Variants in GPC5 observed in about 807,000 individuals in gnomAD.
GPC5 encodes the protein glypican 5, also known as glypican-5.
Under a neutral mutation model 53.9 loss-of-function variants are expected in GPC5, and 47 were observed. The ratio of observed to expected loss-of-function variants is 0.87; its 90% CI spans 0.69 to 1.11. GPC5 has a LOEUF of 1.11. Among genes scored for constraint, GPC5 ranks in the 50% most tolerant of loss-of-function variants. The pLI, the probability that GPC5 is intolerant of heterozygous loss-of-function variation, is 0.00. For missense variants in GPC5, 748 were observed against 713.1 expected, an observed-to-expected ratio of 1.05 and a Z score of -0.56; for synonymous variants, 286 against 263.3, an observed-to-expected ratio of 1.09 and a Z score of -0.84.
chr13:92,815,162 CAT>C (rs1290193517), intron 7 of GPC5, among the ~76,000 whole-genome samples: 9 of 151,756 alleles, frequency 5.9e-5, no homozygotes, highest in Admixed American at 5.9e-4. Context: ...GAAAGAAAAA[CAT>C]ATAATACAAT....
At chr13:92,260,039 A>G (rs992369291) in intron 7 of GPC5, among the ~76,000 whole-genome samples, 22 of 152,152 alleles carry the variant, frequency 1.4e-4, no homozygotes, top group African/African-American at 5.3e-4. Context: ...CTTAGCAACT[A>G]AACTGCTTAT....
chr13:92,010,241 A>G (rs2040648566), intron 6 of GPC5, among the ~76,000 whole-genome samples: 1 of 152,066 alleles, frequency 6.6e-6, no homozygotes, highest in African/African-American at 2.4e-5. Flanking sequence ...TATTTTACAT[A>G]TTTATGTTGT....
At chr13:92,077,617 A>G (rs1324641942) in intron 6 of GPC5, among the ~76,000 whole-genome samples, 1 of 152,188 alleles carries the variant, frequency 6.6e-6, no homozygotes, top group Non-Finnish European at 1.5e-5. Context: ...CCCATTCCAG[A>G]ATTGCTGCTT....
At chr13:91,418,939 A>C (rs566887214) in intron 1 of GPC5, among the ~76,000 whole-genome samples, 1 of 152,012 alleles carries the variant, frequency 6.6e-6, no homozygotes, top group South Asian at 2.1e-4. Flanking sequence ...TCAGTTGTAC[A>C]TACAGCTGAA....
chr13:91,983,084 G>T (rs976530745), intron 6 of GPC5, among the ~76,000 whole-genome samples: 1 of 151,958 alleles, frequency 6.6e-6, no homozygotes, highest in African/African-American at 2.4e-5. Context: ...GGTGGCTCAC[G>T]CCTGTAATCC....
At chr13:92,136,706 G>A (rs2041787296) in intron 6 of GPC5, among the ~76,000 whole-genome samples, 2 of 149,210 alleles carry the variant, frequency 1.3e-5, no homozygotes, top group South Asian at 4.2e-4. Context: ...CATGTTTGGA[G>A]ATATTTGAAT....
intron 7 of GPC5, among the ~76,000 whole-genome samples, chr13:92,684,222 G>A (rs182156405): frequency 2.0e-5 from 3 of 151,850 alleles, no homozygotes; most frequent in Non-Finnish European, 2.9e-5. Flanking sequence ...TGCATTTAAG[G>A]TTCTTCCATG....
At chr13:91,964,531 A>G (rs1385263690) in intron 6 of GPC5, among the ~76,000 whole-genome samples, 1 of 152,192 alleles carries the variant, frequency 6.6e-6, no homozygotes, top group African/African-American at 2.4e-5. Context: ...TTAGCTAAAC[A>G]GAAATGTTCT....
chr13:92,015,234 T>G (rs1267289315), intron 6 of GPC5, among the ~76,000 whole-genome samples: 1 of 152,144 alleles, frequency 6.6e-6, no homozygotes, highest in Non-Finnish European at 1.5e-5. Context: ...CAACAAAGAA[T>G]TAGCCAAAAA....
chr13:91,828,149 T>G (rs1160911259), intron 5 of GPC5, among the ~76,000 whole-genome samples: 2 of 152,092 alleles, frequency 1.3e-5, no homozygotes, highest in African/African-American at 4.8e-5. Flanking sequence ...ATTGGTGCTT[T>G]GTGTAGAGTG....
intron 7 of GPC5, among the ~76,000 whole-genome samples, chr13:92,633,055 T>G (rs1885305265): frequency 6.6e-6 from 1 of 152,112 alleles, no homozygotes; most frequent in African/African-American, 2.4e-5. Flanking sequence ...TATGCCCAGC[T>G]TATTTTTGTA....
chr13:92,753,051 A>C (rs996397908), intron 7 of GPC5, among the ~76,000 whole-genome samples: 1 of 152,180 alleles, frequency 6.6e-6, no homozygotes, highest in African/African-American at 2.4e-5. Flanking sequence ...ACAGACAAAC[A>C]AAAAGACAGC....
Position 91,650,750 on chromosome 13 carries a change from G to GTTTTTT in GPC5, c.326-42420_326-42415dup, listed in dbSNP as rs67507888. ...CATCTGTGAAACAAAATTCCCATAA[G>GTTTTTT]TTTTTTTTTTTTTTTTTTTTTTAGC... On this transcript the variant is annotated intron_variant, in intron 2 of 7. Transcript: ENST00000377067. 7.7e-4 allele frequency among the ~76,000 whole-genome samples: 77 copies of GTTTTTT among 99,590 alleles called. 5 individuals carry two copies. Among genetic ancestry groups the GTTTTTT allele is most frequent in the African/African-American group, 2.9e-3 (72 of 24,662 alleles). The allele number at this position is 99,590 out of a possible 152,430, so 65.3% of individuals were successfully genotyped here.
At chr13:91,770,704 T>TTGTGTGTGTGTGTGTGTGTGTGTGTG (rs71113759) in intron 5 of GPC5, among the ~76,000 whole-genome samples, 1 of 145,554 alleles carries the variant, frequency 6.9e-6, no homozygotes, top group Non-Finnish European at 1.5e-5. Context: ...GACTGTGTGT[T>TTGTGTGTGTGTGTGTGTGTGTGTGTG]TGTGTGTGTG....
chr13:92,448,415 G>T (rs1259098885), intron 7 of GPC5: 1 of 151,964 alleles, frequency 6.6e-6, no homozygotes, highest in African/African-American at 2.4e-5. Flanking sequence ...ATTCAACTTG[G>T]TTTAAAAATT....
intron 5 of GPC5, among the ~76,000 whole-genome samples, chr13:91,871,082 T>C (rs2039139001): frequency 6.6e-6 from 1 of 152,236 alleles, no homozygotes; most frequent in Non-Finnish European, 1.5e-5. Context: ...CTATGTGTTA[T>C]GTGCCTGCAT....
chr13:92,771,081 G>A (rs568302849), intron 7 of GPC5, among the ~76,000 whole-genome samples: 28 of 152,166 alleles, frequency 1.8e-4, no homozygotes, highest in Non-Finnish European at 3.5e-4. Context: ...ACATACTGCC[G>A]AGTGGGTGGG....
At chr13:91,858,211 A>C (rs1034261849) in intron 5 of GPC5, among the ~76,000 whole-genome samples, 1 of 151,882 alleles carries the variant, frequency 6.6e-6, no homozygotes, top group African/African-American at 2.4e-5. Flanking sequence ...TATGTTGAAT[A>C]GCAATGATGA....
chr13:92,613,582 ATT>A (rs1225449081), intron 7 of GPC5, among the ~76,000 whole-genome samples: 2 of 126,148 alleles, frequency 1.6e-5, no homozygotes, highest in African/African-American at 6.1e-5. Flanking sequence ...AATATATAAT[ATT>A]TTATATATCA....
Sources: allele counts gnomAD v4.1 joint callset (sites outside exome capture counted in the v4.1 genomes callset), GRCh38; gene constraint gnomAD v4.1.1; transcripts MANE v1.5; gene names NCBI Gene and HGNC (gene_info 2026-07-23, HGNC 2026-07-21).